The following MSRA variants were observed in gnomAD, a reference collection of about 807,000 sequenced individuals.
The protein encoded by MSRA is mitochondrial peptide methionine sulfoxide reductase.
A neutral mutation model predicts 31.3 loss-of-function variants in MSRA; 54 were observed. That is an observed-to-expected ratio of 1.73 (90% CI 1.39 to 2.17). MSRA has a LOEUF of 2.17. Among genes scored for constraint, MSRA ranks in the 30% most tolerant of loss-of-function variants. The pLI, the probability that MSRA is intolerant of heterozygous loss-of-function variation, is 0.00. For synonymous variants in MSRA, 169 were observed against 116.5 expected, an observed-to-expected ratio of 1.45 and a Z score of -2.90; for missense variants, 507 against 300.9, an observed-to-expected ratio of 1.69 and a Z score of -5.07.
intron 1 of MSRA, among the ~76,000 whole-genome samples, chr8:10,153,103 T>C (rs972119880): frequency 6.6e-6 from 1 of 152,322 alleles, no homozygotes; most frequent in South Asian, 2.1e-4. Flanking sequence ...GTGAATGTAC[T>C]TACCACTACT....
chr8:10,237,051 CTAGAATAAAA>C (rs1480892753), intron 2 of MSRA, among the ~76,000 whole-genome samples: 28 of 152,180 alleles, frequency 1.8e-4, no homozygotes, highest in African/African-American at 6.8e-4. Flanking sequence ...TATAAGGGCT[CTAGAATAAAA>C]TATGAGTTAT....
rs1227273691 is a variant in MSRA at position 10,245,234 on chromosome 8, T to C, written c.331+11T>C. 1 of 1,611,846 alleles carries C rather than the reference T, an allele frequency of 6.2e-7. No homozygotes were observed. The highest frequency in any genetic ancestry group is 8.5e-7 in the Non-Finnish European group (1 of 1,179,102). ...AAGAAGTCTGCTCAGGTAGGAAGAATTTGCTTTATTGTATTACTAGGAGAA... is the reference window on the plus strand; with the variant it reads ...AAGAAGTCTGCTCAGGTAGGAAGAACTTGCTTTATTGTATTACTAGGAGAA... On this transcript the variant is annotated intron_variant, in intron 3 of 5. Coordinates refer to ENST00000317173, the MANE Select transcript of MSRA (RefSeq NM_012331.5).
chr8:10,105,392 T>A (rs1457513172), intron 1 of MSRA, among the ~76,000 whole-genome samples: 1 of 152,228 alleles, frequency 6.6e-6, no homozygotes, highest in African/African-American at 2.4e-5. Context: ...TCTCCTTAAT[T>A]AACATCTAGA....
At chr8:10,389,842 T>C (rs1385623544) in intron 5 of MSRA, among the ~76,000 whole-genome samples, 3 of 151,326 alleles carry the variant, frequency 2.0e-5, no homozygotes, top group Non-Finnish European at 2.9e-5. Flanking sequence ...AGTGGTCCCA[T>C]TGTATACAAC....
chr8:10,371,879 C>T (rs981717150), intron 5 of MSRA, among the ~76,000 whole-genome samples: 1 of 152,160 alleles, frequency 6.6e-6, no homozygotes, highest in South Asian at 2.1e-4. Context: ...TGAAGGTTTG[C>T]CCAAGTTTGG....
chr8:10,352,327 C>T (rs1804204248), intron 5 of MSRA, among the ~76,000 whole-genome samples: 1 of 152,066 alleles, frequency 6.6e-6, no homozygotes, highest in South Asian at 2.1e-4. Flanking sequence ...TGTATGTGTA[C>T]CCTATGAGAA....
chr8:10,109,211 G>A (rs1765006326), intron 1 of MSRA, among the ~76,000 whole-genome samples: 1 of 152,122 alleles, frequency 6.6e-6, no homozygotes, highest in Non-Finnish European at 1.5e-5. Flanking sequence ...AACCATATTT[G>A]ACATCATATG....
intron 1 of MSRA, among the ~76,000 whole-genome samples, chr8:10,064,884 C>G (rs763179757): frequency 4.6e-5 from 7 of 152,096 alleles, no homozygotes; most frequent in Non-Finnish European, 1.0e-4. Context: ...AAATGAAATA[C>G]TTTGAGGGAA....
intron 2 of MSRA, among the ~76,000 whole-genome samples, chr8:10,228,980 A>G (rs560511595): frequency 6.6e-6 from 1 of 152,294 alleles, no homozygotes; most frequent in East Asian, 1.9e-4. Flanking sequence ...TTGTAATGTC[A>G]CAGTTAAAGT....
At chr8:10,294,975 G>C (rs577342633) in intron 3 of MSRA, among the ~76,000 whole-genome samples, 1 of 152,236 alleles carries the variant, frequency 6.6e-6, no homozygotes, top group East Asian at 1.9e-4. Context: ...CCCTGAAACT[G>C]GGAGGTTGCT....
chr8:10,339,217 G>T (rs1270245003), intron 5 of MSRA, among the ~76,000 whole-genome samples: 2 of 152,208 alleles, frequency 1.3e-5, no homozygotes, highest in African/African-American at 4.8e-5. Context: ...AAGCGATGAT[G>T]TTGGAGTTGC....
intron 1 of MSRA, among the ~76,000 whole-genome samples, chr8:10,123,519 T>C (rs143809088): frequency 6.6e-6 from 1 of 152,218 alleles, no homozygotes; most frequent in Non-Finnish European, 1.5e-5. Flanking sequence ...CTCTTTAGTT[T>C]AATTAGATCC....
intron 1 of MSRA, among the ~76,000 whole-genome samples, chr8:10,116,020 G>A (rs1036153330): frequency 2.6e-5 from 4 of 152,198 alleles, no homozygotes; most frequent in Non-Finnish European, 5.9e-5. Flanking sequence ...AGAGATGTGA[G>A]ATCGTGGCTG....
chr8:10,337,428 C>G, intron 5 of MSRA: 1 of 339,224 alleles, frequency 2.9e-6, no homozygotes, highest in Non-Finnish European at 5.4e-6. Flanking sequence ...ATCCACCAGC[C>G]TCGGCCTCCC....
chr8:10,271,440 A>G (rs1799032905), intron 3 of MSRA, among the ~76,000 whole-genome samples: 1 of 29,766 alleles, frequency 3.4e-5, no homozygotes, highest in African/African-American at 9.5e-5. Context: ...TAAGGGATGG[A>G]AATTGACTAG....
rs1323026840 is a variant in MSRA, at chr8:10,286,226, C to T, written c.332-15308C>T. On this transcript the variant is annotated intron_variant, in intron 3 of 5. Coordinates refer to ENST00000317173, the MANE Select transcript of MSRA (RefSeq NM_012331.5). ...TGTCTAAGTAGTTCCCGTTTTTCAACATTGATATGGTTTGACTGTATCCCC... is the reference window on the plus strand; with the variant it reads ...TGTCTAAGTAGTTCCCGTTTTTCAATATTGATATGGTTTGACTGTATCCCC... Among the ~76,000 whole-genome samples, 8 of 152,284 alleles carry T rather than the reference C, an allele frequency of 5.3e-5. No individual in the cohort carries two copies. The East Asian group carries it at 1.5e-3, about 29-fold the overall frequency.
At chr8:10,327,858 G>A (rs1802453433) in intron 5 of MSRA, among the ~76,000 whole-genome samples, 1 of 151,966 alleles carries the variant, frequency 6.6e-6, no homozygotes, top group South Asian at 2.1e-4. Flanking sequence ...GCGTGAACCT[G>A]GGAGGCGGAG....
At chr8:10,208,912 C>T (rs1809245879) in intron 2 of MSRA, among the ~76,000 whole-genome samples, 2 of 152,230 alleles carry the variant, frequency 1.3e-5, no homozygotes, top group African/African-American at 2.4e-5. Context: ...AGCCTCAGAA[C>T]AACCTGGTCT....
chr8:10,084,002 G>C (rs1798420035), intron 1 of MSRA, among the ~76,000 whole-genome samples: 1 of 152,190 alleles, frequency 6.6e-6, no homozygotes, highest in Non-Finnish European at 1.5e-5. Context: ...ATAAAATTGA[G>C]GTCTTCGTAT....
Sources: gnomAD v4.1 joint callset for allele counts (sites outside exome capture counted in the v4.1 genomes callset) on GRCh38, gnomAD v4.1.1 for gene constraint, MANE v1.5 for transcripts, NCBI Gene and HGNC (gene_info 2026-07-23, HGNC 2026-07-21) for gene names.